Variants in GNPAT observed in about 807,000 individuals in gnomAD.
GNPAT encodes the protein glyceronephosphate O-acyltransferase, also known as dihydroxyacetone phosphate acyltransferase.
Under a neutral mutation model 78.4 loss-of-function variants are expected in GNPAT, and 30 were observed. That is an observed-to-expected ratio of 0.38 (90% confidence interval 0.29 to 0.52). GNPAT has a LOEUF of 0.52. Ranked by LOEUF, GNPAT falls within the 20% of genes least tolerant of loss-of-function variation. GNPAT has a pLI of 0.84. For synonymous variants in GNPAT, 271 were observed against 281.1 expected, an observed-to-expected ratio of 0.96 and a Z score of 0.36; for missense variants, 714 against 812.2, an observed-to-expected ratio of 0.88 and a Z score of 1.47.
At position 231,275,424 on chromosome 1, in the gene GNPAT, T is replaced by G; in HGVS notation, c.1863T>G (p.Asp621Glu). The G allele has an allele frequency of 6.2e-7, 1 of 1,610,050 alleles. No individual in the cohort carries two copies. ...TTTTAGGTACCTCTCAATGTTATGA[T>G]GTATTATCTTCTGATGTGCAGAAAA... ...LLDQGTSQCY[D>E]VLSSDVQKNA... The change falls in exon 14 of 16, where the codon GAT (aspartate) becomes GAG (glutamate). Residue 621 changes from aspartate to glutamate, a missense_variant. By Grantham distance (45) the Asp-to-Glu change is conservative. Coordinates refer to ENST00000366647, the MANE Select transcript of GNPAT (RefSeq NM_014236.4).
At chr1:231,248,039 C>T (rs751235273) in intron 1 of GNPAT, among the ~76,000 whole-genome samples, 2 of 152,164 alleles carry the variant, frequency 1.3e-5, no homozygotes, top group Non-Finnish European at 2.9e-5. Context: ...CCCTCGCTCC[C>T]ATACATGTCT....
intron 1 of GNPAT, among the ~76,000 whole-genome samples, chr1:231,249,520 A>T (rs1402401876): frequency 1.3e-5 from 2 of 152,260 alleles, no homozygotes; most frequent in East Asian, 3.8e-4. Flanking sequence ...GATGTTGGAA[A>T]TACAAAGAGA....
intron 12 of GNPAT, 190 bp from the exon 13 acceptor site, chr1:231,275,031 A>G (rs1685671197): frequency 1.8e-6 from 1 of 571,294 alleles, no homozygotes; most frequent in Admixed American, 3.1e-5. Context: ...TAATTGTAAA[A>G]TGTAAACTCA....
intron 9 of GNPAT, among the ~76,000 whole-genome samples, chr1:231,268,885 G>A (rs1190359137): frequency 6.9e-6 from 1 of 143,980 alleles, no homozygotes; most frequent in Non-Finnish European, 1.5e-5. Context: ...CAGCCTGGGT[G>A]ATAGAGCGAG....
chr1:231,264,766 T>C (rs1384126088), intron 4 of GNPAT, among the ~76,000 whole-genome samples: 1 of 152,226 alleles, frequency 6.6e-6, no homozygotes, highest in African/African-American at 2.4e-5. Flanking sequence ...TTGGCCTGGC[T>C]GTCCAGAGCA....
chr1:231,277,868 A>G lies in GNPAT; in HGVS notation c.*326A>G, dbSNP rs1685760321. 4.6e-6 allele frequency: 1 copy of G among 216,222 alleles called. No homozygotes were observed. Among genetic ancestry groups the G allele is most frequent in the South Asian group, 1.1e-4 (1 of 9,188 alleles). 13.4% of individuals were successfully genotyped at this position (216,222 alleles called of 1,614,324 possible). On this transcript the variant is annotated 3_prime_UTR_variant, in exon 16 of 16. Coordinates refer to ENST00000366647, the MANE Select transcript of GNPAT (RefSeq NM_014236.4). Reference sequence around the variant, plus strand: ...TATTAAACTTTTATGTTGACTTTTGAATTAAAGTATGACAACACTGAAAGC... The same window carrying G: ...TATTAAACTTTTATGTTGACTTTTGGATTAAAGTATGACAACACTGAAAGC...
At chr1:231,258,622 AT>A (rs748666053) in intron 2 of GNPAT, among the ~76,000 whole-genome samples, 201 of 73,754 alleles carry the variant, frequency 2.7e-3, no homozygotes, top group African/African-American at 3.7e-3. Flanking sequence ...TTTTAATGCA[AT>A]TTTTTTTTTT....
At chr1:231,249,994 C>A (rs1684847691) in intron 1 of GNPAT, among the ~76,000 whole-genome samples, 1 of 151,952 alleles carries the variant, frequency 6.6e-6, no homozygotes, top group South Asian at 2.1e-4. Flanking sequence ...CACCTGTAAT[C>A]CCAGCACTTT....
chr1:231,268,973 T>A (rs1685473221), intron 9 of GNPAT, among the ~76,000 whole-genome samples: 1 of 152,134 alleles, frequency 6.6e-6, no homozygotes, highest in East Asian at 1.9e-4. Flanking sequence ...AGATAATTAT[T>A]TGAAGTCAAG....
At chr1:231,271,825 G>A (rs537859620) in intron 10 of GNPAT, among the ~76,000 whole-genome samples, 4 of 152,294 alleles carry the variant, frequency 2.6e-5, no homozygotes, top group Admixed American at 6.5e-5. Context: ...TGCTAGGGCC[G>A]GGCGCAGTGG....
At position 231,251,045 on chromosome 1, in the gene GNPAT, T is replaced by C. The variant is rs1027933028; in HGVS notation, c.163T>C (p.Tyr55His). Reference sequence around the variant, plus strand: ...TGACTTGAAATTTGCAATGAAATGCTACACACCTCTTGTCTATAAGGGAAT... The same window carrying C: ...TGACTTGAAATTTGCAATGAAATGCCACACACCTCTTGTCTATAAGGGAAT... ...VSDLKFAMKC[Y>H]TPLVYKGITP... is the part of the protein sequence containing the mutation. The change falls in exon 2 of 16, where the codon TAC becomes CAC. Residue 55 changes from tyrosine (Y) to histidine (H), a missense_variant. By Grantham distance (83) the Tyr-to-His change is moderately conservative. Transcript: ENST00000366647. The C allele has an allele frequency of 2.7e-5, 43 of 1,596,556 alleles. No homozygotes were observed. The highest frequency in any genetic ancestry group is 3.2e-5 in the Non-Finnish European group (37 of 1,164,076).
At chr1:231,260,717 A>G (rs1481618172) in intron 3 of GNPAT, 34 bp downstream of exon 3, 11 of 1,373,312 alleles carry the variant, frequency 8.0e-6, no homozygotes, top group Non-Finnish European at 1.1e-5. Flanking sequence ...TAAAGAAATA[A>G]AAGTCTCATC....
rs1188177054 is a variant in GNPAT at position 231,270,909 on chromosome 1, G to A, written c.1431G>A (p.Met477Ile). 1.2e-6 allele frequency: 2 copies of A among 1,614,032 alleles called. No individual in the cohort carries two copies. Among genetic ancestry groups the A allele is most frequent in the East Asian group, 2.2e-5 (1 of 44,896 alleles). The change falls in exon 10 of 16, where the codon ATG becomes ATA. Residue 477 changes from methionine (M) to isoleucine (I), a missense_variant. Physicochemically the swap from Met to Ile is conservative, Grantham distance 10. Coordinates refer to ENST00000366647, the MANE Select transcript of GNPAT (RefSeq NM_014236.4). The part of the protein sequence containing the change: ...GLMLQHITLL[M>I]CSAYRNQLLN... The stretch of plus-strand genomic sequence containing the variant: ...TGCTCCAGCACATCACTCTCCTCAT[G>A]TGCTCAGCTTATAGGAACCAGCTGC...
In GNPAT at chr1:231,261,453, G is replaced by A. The variant is rs189539139; in HGVS notation, c.438+770G>A. 1.2e-3 allele frequency among the ~76,000 whole-genome samples: 183 copies of A among 152,006 alleles called. 1 individual carries two copies. The highest frequency in any genetic ancestry group is 4.1e-3 in the African/African-American group (169 of 41,418). On this transcript the variant is annotated intron_variant, in intron 3 of 15. Transcript: ENST00000366647. ...CCTTTGCTAGGAACACCCCGGAAGC[G>A]ATGCATTCTTCTCAGTGGGTCGTGT...
chr1:231,263,306 A>G (rs541256081), intron 4 of GNPAT, among the ~76,000 whole-genome samples: 6 of 152,288 alleles, frequency 3.9e-5, no homozygotes, highest in African/African-American at 1.4e-4. Context: ...AACACCATCC[A>G]TCTCCAGAAC....
At chr1:231,247,753 G>A (rs1684788532) in intron 1 of GNPAT, among the ~76,000 whole-genome samples, 1 of 152,154 alleles carries the variant, frequency 6.6e-6, no homozygotes, top group African/African-American at 2.4e-5. Flanking sequence ...TTCTGTAGAG[G>A]GAGCAACTTG....
At chr1:231,273,248 C>CTTTT (rs574185259) in intron 11 of GNPAT, among the ~76,000 whole-genome samples, 5 of 122,706 alleles carry the variant, frequency 4.1e-5, no homozygotes, top group East Asian at 2.3e-4. Flanking sequence ...GTGTTGGAAA[C>CTTTT]TTTTTTTTTT....
chr1:231,260,086 C>T (rs910158013), intron 2 of GNPAT, among the ~76,000 whole-genome samples: 2 of 152,080 alleles, frequency 1.3e-5, no homozygotes, highest in African/African-American at 4.8e-5. Flanking sequence ...TAGTCTGAGT[C>T]GGTAATTTCA....
chr1:231,276,195 T>A lies in GNPAT; in HGVS notation c.1998T>A (p.Leu666=), dbSNP rs745407567. ...CCACAACCAAATTAGAAGAAATGCT[T>A]GGTAAGTGCAGTTTAATAAAATACA... The part of the protein sequence containing the change: ...EPATTKLEEM[L]GCKTPIGKPA... Residue 666 remains leucine (L), a splice_region_variant and synonymous_variant, in exon 15 of 16, where the codon CTT becomes CTA. Coordinates refer to ENST00000366647, the MANE Select transcript of GNPAT (RefSeq NM_014236.4). 5.7e-6 allele frequency: 8 copies of A among 1,408,504 alleles called. No individual in the cohort carries two copies. Among genetic ancestry groups the A allele is most frequent in the Non-Finnish European group, 8.0e-6 (8 of 994,148 alleles). 87.3% of individuals were successfully genotyped at this position (1,408,504 alleles called of 1,614,324 possible). A position where few individuals can be genotyped will look rare whatever the true frequency, so the allele number is the denominator to read the frequency against.
Sources: gnomAD v4.1 joint callset for allele counts (sites outside exome capture counted in the v4.1 genomes callset) on GRCh38, gnomAD v4.1.1 for gene constraint, MANE v1.5 for transcripts, NCBI Gene and HGNC (gene_info 2026-07-23, HGNC 2026-07-21) for gene names.